The following SDHC variants were observed in gnomAD, a reference collection of about 807,000 sequenced individuals.
SDHC encodes the protein succinate dehydrogenase cytochrome b560 subunit, mitochondrial.
SDHC carries 11 observed loss-of-function variants against 22.6 expected under a neutral mutation model. That is an observed-to-expected ratio of 0.49 (90% CI 0.31 to 0.81). The LOEUF (loss-of-function observed/expected upper bound fraction) is 0.81. Ranked by LOEUF, SDHC falls within the 30% of genes least tolerant of loss-of-function variation. SDHC has a pLI of 0.05. For missense variants in SDHC, 160 were observed against 212.0 expected (o/e 0.75, Z 1.52); for synonymous variants, 80 against 77.8 (o/e 1.03, Z -0.15).
chr1:161,319,119 G>C (rs777862269), intron 1 of SDHC, among the ~76,000 whole-genome samples: 10 of 152,146 alleles, frequency 6.6e-5, no homozygotes, highest in Non-Finnish European at 1.2e-4. Context: ...TACTCAGAAG[G>C]CTGAGGCAGG....
At chr1:161,319,145 CG>C (rs1670743098) in intron 1 of SDHC, among the ~76,000 whole-genome samples, 1 of 151,942 alleles carries the variant, frequency 6.6e-6, no homozygotes, top group Admixed American at 6.6e-5. Context: ...CGCTTGAACT[CG>C]GGAAGTGGAG....
At chr1:161,319,481 C>G (rs1385451576) in intron 1 of SDHC, among the ~76,000 whole-genome samples, 42 of 149,682 alleles carry the variant, frequency 2.8e-4, no homozygotes, top group Admixed American at 2.7e-3. Flanking sequence ...GAGTCTCGCT[C>G]TGTCGCCCAG....
intron 4 of SDHC, among the ~76,000 whole-genome samples, chr1:161,346,610 C>G (rs1671908311): frequency 6.6e-6 from 1 of 152,100 alleles, no homozygotes; most frequent in Non-Finnish European, 1.5e-5. Flanking sequence ...GTTGGTCAGG[C>G]TGGTCTCGAA....
rs763628960 is a variant in SDHC, at chr1:161,340,612, G to A, written c.198G>A (p.Ala66=). ...TTTACAGTTGGTCTCTTCCCATGGCGATGTCCATCTGCCACCGTGGCACTG... is the reference window on the plus strand; with the variant it reads ...TTTACAGTTGGTCTCTTCCCATGGCAATGTCCATCTGCCACCGTGGCACTG... ...ITIYSWSLPM[A]MSICHRGTGI... is the part of the protein sequence containing the mutation. The change falls in exon 4 of 6, where the codon GCG becomes GCA. Residue 66 remains alanine (A), a synonymous_variant. Coordinates refer to ENST00000367975, the MANE Select transcript of SDHC (RefSeq NM_003001.5). 1.2e-5 allele frequency: 20 copies of A among 1,613,744 alleles called. No individual in the cohort carries two copies. The East Asian group carries it at 2.7e-4, about 22-fold the overall frequency.
intron 2 of SDHC, among the ~76,000 whole-genome samples, chr1:161,324,899 T>G (rs1008312490): frequency 2.0e-5 from 3 of 152,210 alleles, no homozygotes; most frequent in Non-Finnish European, 4.4e-5. Flanking sequence ...CCAAATAATA[T>G]ATTTCATAGA....
intron 3 of SDHC, chr1:161,339,662 G>GTTTTTTGTTTTTTTTTTTTTTTTT (rs1671638886): frequency 2.0e-5 from 1 of 49,566 alleles, no homozygotes; most frequent in Non-Finnish European, 3.5e-5. Context: ...TGATACAGGT[G>GTTTTTTGTTTTTTTTTTTTTTTTT]TTTTTTTTTT....
intron 5 of SDHC, among the ~76,000 whole-genome samples, chr1:161,357,858 A>G (rs1335657307): frequency 6.6e-6 from 1 of 152,166 alleles, no homozygotes; most frequent in African/African-American, 2.4e-5. Flanking sequence ...TGCTGCTTTC[A>G]TTCTTCCGTT....
intron 2 of SDHC, among the ~76,000 whole-genome samples, chr1:161,323,895 A>G (rs989684766): frequency 6.6e-6 from 1 of 151,846 alleles, no homozygotes; most frequent in Non-Finnish European, 1.5e-5. Context: ...ACAGGGTTTC[A>G]CCGTGTTAGC....
At chr1:161,337,173 GC>G (rs1351590653) in intron 3 of SDHC, among the ~76,000 whole-genome samples, 3 of 151,336 alleles carry the variant, frequency 2.0e-5, no homozygotes, top group Non-Finnish European at 4.4e-5. Flanking sequence ...GAGCCACTGT[GC>G]CTGCCCACAT....
chr1:161,328,866 T>C (rs557751716), intron 3 of SDHC, among the ~76,000 whole-genome samples: 1 of 152,178 alleles, frequency 6.6e-6, no homozygotes, highest in Non-Finnish European at 1.5e-5. Context: ...GGAAGGTATA[T>C]AGTATATATG....
chr1:161,331,130 G>C (rs1484077376), intron 3 of SDHC, among the ~76,000 whole-genome samples: 1 of 151,982 alleles, frequency 6.6e-6, no homozygotes, highest in Non-Finnish European at 1.5e-5. Flanking sequence ...CTGATGAGAT[G>C]GTTGAGGGGA....
intron 4 of SDHC, among the ~76,000 whole-genome samples, chr1:161,342,321 T>C (rs555727738): frequency 1.3e-5 from 2 of 152,010 alleles, no homozygotes; most frequent in Non-Finnish European, 2.9e-5. Flanking sequence ...AAACTAGGAG[T>C]AGTGGAGTGC....
chr1:161,355,455 T>G (rs1224552990), intron 4 of SDHC, among the ~76,000 whole-genome samples: 3 of 152,258 alleles, frequency 2.0e-5, no homozygotes, highest in Admixed American at 2.0e-4. Context: ...GTAATTTTGA[T>G]GAAATCCAAT....
At chr1:161,333,423 A>T (rs1403993412) in intron 3 of SDHC, among the ~76,000 whole-genome samples, 8 of 112,350 alleles carry the variant, frequency 7.1e-5, no homozygotes, top group African/African-American at 1.0e-4. Context: ...TTTTTTTTTT[A>T]AAGACGGAGT....
chr1:161,319,280 A>AT (rs1670749706), intron 1 of SDHC, among the ~76,000 whole-genome samples: 1 of 152,124 alleles, frequency 6.6e-6, no homozygotes, highest in African/African-American at 2.4e-5. Context: ...GATCCAAAAT[A>AT]TTTTGATAGT....
In SDHC at chr1:161,328,478, C is replaced by A. The variant is rs1553262444; in HGVS notation, c.160C>A (p.Pro54Thr). 1 of 1,608,542 alleles carries A rather than the reference C, an allele frequency of 6.2e-7. No individual in the cohort carries two copies. The highest frequency in any genetic ancestry group is 8.5e-7 in the Non-Finnish European group (1 of 1,174,912). The change falls in exon 3 of 6, where the codon CCC becomes ACC. Residue 54 changes from proline (P) to threonine (T), a missense_variant. Physicochemically the swap from Pro to Thr is conservative, Grantham distance 38. Transcript: ENST00000367975. ...TATAGGTTCAAACCGTCCTCTGTCTCCCCACATTACTATCTACAGGTAAGG... is the reference window on the plus strand; with the variant it reads ...TATAGGTTCAAACCGTCCTCTGTCTACCCACATTACTATCTACAGGTAAGG... ...KNIGSNRPLS[P>T]HITIYSWSLP...
At position 161,362,533 on chromosome 1, in the gene SDHC, T is replaced by C; in HGVS notation, c.*100T>C. ...CCAGCCTGGGAAAAGTTCTCCTTAT[T>C]TGTTTAGATCCTTTTGTATTTTCAG... On this transcript the variant is annotated 3_prime_UTR_variant, in exon 6 of 6. Transcript: ENST00000367975. 6.2e-7 allele frequency: 1 copy of C among 1,608,970 alleles called. No individual in the cohort carries two copies. The highest frequency in any genetic ancestry group is 8.5e-7 in the Non-Finnish European group (1 of 1,177,924).
intron 4 of SDHC, among the ~76,000 whole-genome samples, chr1:161,348,087 T>C (rs1030337543): frequency 1.3e-5 from 2 of 152,180 alleles, no homozygotes; most frequent in Admixed American, 1.3e-4. Context: ...AATATATAAA[T>C]TTTAAAAAGC....
At chr1:161,340,478 A>G in intron 3 of SDHC, 116 bp from the exon 4 acceptor site, 1 of 936,104 alleles carries the variant, frequency 1.1e-6, no homozygotes. Flanking sequence ...TCTCAAAAAA[A>G]AAAAAAGAAA....
Sources: allele counts gnomAD v4.1 joint callset (sites outside exome capture counted in the v4.1 genomes callset), GRCh38; gene constraint gnomAD v4.1.1; transcripts MANE v1.5; gene names NCBI Gene and HGNC (gene_info 2026-07-23, HGNC 2026-07-21).